The following SLC35F4 variants were observed in gnomAD, a reference collection of about 807,000 sequenced individuals.
SLC35F4 encodes the protein solute carrier family 35 member F4.
In SLC35F4, 24 loss-of-function variants were observed where a neutral mutation model predicts 44.2. That is an observed-to-expected ratio of 0.54 (90% CI 0.39 to 0.76). The LOEUF is 0.76. Among genes scored for constraint, SLC35F4 ranks in the 30% least tolerant of loss-of-function variants. The pLI, the probability that SLC35F4 is intolerant of heterozygous loss-of-function variation, is 0.00. For missense variants in SLC35F4, 562 were observed against 586.1 expected (o/e 0.96, Z 0.42); for synonymous variants, 238 against 223.6 (o/e 1.06, Z -0.57).
intron 1 of SLC35F4, among the ~76,000 whole-genome samples, chr14:57,649,771 C>A (rs553123120): frequency 7.5e-6 from 1 of 133,532 alleles, no homozygotes; most frequent in East Asian, 2.2e-4. Context: ...TTTTTTGTTG[C>A]CCTACTTAAA....
At chr14:57,727,756 C>A (rs960487396) in intron 1 of SLC35F4, among the ~76,000 whole-genome samples, 1 of 152,124 alleles carries the variant, frequency 6.6e-6, no homozygotes, top group Non-Finnish European at 1.5e-5. Flanking sequence ...ATGCTTGATA[C>A]TATTTCATTT....
chr14:57,780,167 TTCTATA>T (rs2077582583), intron 1 of SLC35F4, among the ~76,000 whole-genome samples: 1 of 152,200 alleles, frequency 6.6e-6, no homozygotes, highest in Non-Finnish European at 1.5e-5. Flanking sequence ...GATGACATGA[TTCTATA>T]TCTAGAAAAC....
At chr14:57,828,335 A>G (rs1209593945) in intron 1 of SLC35F4, among the ~76,000 whole-genome samples, 1 of 152,148 alleles carries the variant, frequency 6.6e-6, no homozygotes, top group Non-Finnish European at 1.5e-5. Flanking sequence ...ACATCAGAAA[A>G]AGCTATGAGC....
rs533338808 is a variant in SLC35F4 at position 57,750,992 on chromosome 14, C to T, written c.103+114731G>A. Among the ~76,000 whole-genome samples, 26 of 152,268 alleles carry T rather than the reference C, an allele frequency of 1.7e-4. No individual in the cohort carries two copies. In the South Asian group the frequency reaches 2.5e-3, roughly 15 times the overall value. On this transcript the variant is annotated intron_variant, in intron 1 of 7. Transcript: ENST00000556826. ...CTTGTCTCACCCGCCCAGTCTCCTC[C>T]GTCTCCGTTTATCTAGCACACGTTA...
intron 1 of SLC35F4, among the ~76,000 whole-genome samples, chr14:57,952,948 A>T (rs1890167445): frequency 6.6e-6 from 1 of 152,142 alleles, no homozygotes; most frequent in African/African-American, 2.4e-5. Flanking sequence ...CACCACAGAG[A>T]TACTCCTCGA....
chr14:57,973,246 G>A (rs12590226), downstream of SLC35F4, among the ~76,000 whole-genome samples: 13,815 of 152,220 alleles, frequency 0.091, 872 homozygotes, highest in African/African-American at 0.18. Context: ...AAGTTTCTTT[G>A]TGGGTAATTA....
rs970178210 is a variant in SLC35F4, at chr14:57,698,707, G to A, written c.104-104583C>T. On this transcript the variant is annotated intron_variant, in intron 1 of 7. Coordinates refer to ENST00000556826, the MANE Select transcript of SLC35F4 (RefSeq NM_001306087.2). Reference sequence around the variant, plus strand: ...GGCTGGAGTGCAGTGGCATGATCTCGGCTCACTGCGACCTCTACCTCCCAG... The same window carrying A: ...GGCTGGAGTGCAGTGGCATGATCTCAGCTCACTGCGACCTCTACCTCCCAG... 1.1e-4 allele frequency among the ~76,000 whole-genome samples: 16 copies of A among 150,680 alleles called. No homozygotes were observed. In the South Asian group the frequency reaches 2.3e-3, roughly 22 times the overall value.
intron 1 of SLC35F4, among the ~76,000 whole-genome samples, chr14:57,706,377 CAT>C (rs2075676953): frequency 6.6e-6 from 1 of 152,100 alleles, no homozygotes. Context: ...AAAAATTGGA[CAT>C]GTTTCTGAGA....
intron 1 of SLC35F4, among the ~76,000 whole-genome samples, chr14:57,800,447 A>C (rs1182971423): frequency 6.6e-6 from 1 of 152,234 alleles, no homozygotes; most frequent in South Asian, 2.1e-4. Flanking sequence ...AACAAGCCAG[A>C]GTGCCTCTTC....
At chr14:57,596,553 G>A in intron 1 of SLC35F4, 4 of 364,306 alleles carry the variant, frequency 1.1e-5, no homozygotes, top group South Asian at 8.5e-5. Context: ...CTTTTCTCAG[G>A]GTAATATTGG....
intron 1 of SLC35F4, among the ~76,000 whole-genome samples, chr14:57,841,774 T>A (rs1227625535): frequency 6.6e-6 from 1 of 152,098 alleles, no homozygotes; most frequent in Non-Finnish European, 1.5e-5. Context: ...GTAAACACAT[T>A]GTGCAAGATA....
chr14:57,966,410 G>C (rs528417238), intron 1 of SLC35F4, among the ~76,000 whole-genome samples: 7 of 152,290 alleles, frequency 4.6e-5, no homozygotes, highest in African/African-American at 1.7e-4. Flanking sequence ...TAATTCATTA[G>C]TGGAGCTATT....
chr14:57,746,904 A>G (rs887513766), intron 1 of SLC35F4, among the ~76,000 whole-genome samples: 1 of 152,178 alleles, frequency 6.6e-6, no homozygotes, highest in African/African-American at 2.4e-5. Context: ...GTCTGGATTC[A>G]AGTCCATTAG....
At chr14:57,673,846 C>T (rs139513384) in intron 1 of SLC35F4, among the ~76,000 whole-genome samples, 1 of 152,138 alleles carries the variant, frequency 6.6e-6, no homozygotes, top group East Asian at 1.9e-4. Flanking sequence ...AACTTCTGCT[C>T]ATTATTGTAC....
At chr14:57,779,072 C>A (rs529851890) in intron 1 of SLC35F4, among the ~76,000 whole-genome samples, 1 of 151,804 alleles carries the variant, frequency 6.6e-6, no homozygotes, top group African/African-American at 2.4e-5. Flanking sequence ...ACTAGAGAAG[C>A]AAGAAGCAAC....
At chr14:57,808,653 A>C in intron 1 of SLC35F4, among the ~76,000 whole-genome samples, 1 of 149,508 alleles carries the variant, frequency 6.7e-6, no homozygotes, top group South Asian at 2.1e-4. Context: ...AAATTAAAAA[A>C]CCATTTTCTG....
rs566124472 is a variant in SLC35F4 at position 57,980,969 on chromosome 14, C to T, written n.151+944G>A. Among the ~76,000 whole-genome samples the T allele has an allele frequency of 5.9e-5, 9 of 152,042 alleles. 1 individual carries two copies. The South Asian group carries it at 1.9e-3, about 32-fold the overall frequency. ...GCCTAGAGTGTTGTCAACAACCAAA[C>T]CAATAGGGAAGGATTCTCCTCTATT... On this transcript the variant is annotated intron_variant and non_coding_transcript_variant, in intron 1 of 1. Transcript: ENST00000554648.
At chr14:57,782,057 C>A (rs1254162512) in intron 1 of SLC35F4, among the ~76,000 whole-genome samples, 1 of 152,054 alleles carries the variant, frequency 6.6e-6, no homozygotes, top group Admixed American at 6.6e-5. Flanking sequence ...TACCCCTGAA[C>A]CTAAAAGTTT....
intron 1 of SLC35F4, among the ~76,000 whole-genome samples, chr14:57,641,052 C>T (rs954469760): frequency 3.3e-5 from 5 of 151,780 alleles, no homozygotes; most frequent in Non-Finnish European, 7.4e-5. Context: ...CATTACCACA[C>T]GAAAGTGAAA....
Sources: allele counts gnomAD v4.1 joint callset (sites outside exome capture counted in the v4.1 genomes callset), GRCh38; gene constraint gnomAD v4.1.1; transcripts MANE v1.5; gene names NCBI Gene and HGNC (gene_info 2026-07-23, HGNC 2026-07-21).